The following TCF4 variants were observed in gnomAD, a reference collection of about 807,000 sequenced individuals.
TCF4 encodes the protein transcription factor 4.
In TCF4, 3 loss-of-function variants were observed where a neutral mutation model predicts 82.1. The observed-to-expected ratio is 0.04, with a 90% confidence interval of 0.02 to 0.09. TCF4 has a LOEUF of 0.09. TCF4 is among the 10% of genes least tolerant of loss of function. The pLI is 1.00. For synonymous variants in TCF4, 276 were observed against 309.6 expected (o/e 0.89, Z 1.14); for missense variants, 518 against 852.7 (o/e 0.61, Z 4.89).
intron 3 of TCF4, chr18:55,479,120 G>A (rs2096366724): frequency 6.6e-6 from 1 of 151,960 alleles, no homozygotes; most frequent in African/African-American, 2.4e-5. Context: ...TCCATTTCTA[G>A]TTAACAAATC....
chr18:55,614,709 A>C (rs1055738161), intron 2 of TCF4, among the ~76,000 whole-genome samples: 2 of 152,174 alleles, frequency 1.3e-5, no homozygotes, highest in Non-Finnish European at 2.9e-5. Flanking sequence ...TCTGTGACTT[A>C]TCTTTTTATT....
chr18:55,584,483 A>G (rs529955400), intron 3 of TCF4, among the ~76,000 whole-genome samples: 1 of 152,120 alleles, frequency 6.6e-6, no homozygotes. Context: ...TAAAAAAAAT[A>G]CATTTTAAAT....
At chr18:55,573,030 G>T (rs1227771836) in intron 3 of TCF4, among the ~76,000 whole-genome samples, 1 of 151,644 alleles carries the variant, frequency 6.6e-6, no homozygotes, top group Non-Finnish European at 1.5e-5. Flanking sequence ...TCCAGCCTGG[G>T]CAATGAGAGC....
intron 3 of TCF4, among the ~76,000 whole-genome samples, chr18:55,529,908 T>G (rs2146688504): frequency 6.6e-6 from 1 of 152,214 alleles, no homozygotes; most frequent in Non-Finnish European, 1.5e-5. Flanking sequence ...ATGGCACATG[T>G]CCTAGAACTC....
At chr18:55,498,749 T>A (rs939237449) in intron 3 of TCF4, among the ~76,000 whole-genome samples, 3 of 152,164 alleles carry the variant, frequency 2.0e-5, no homozygotes, top group Non-Finnish European at 4.4e-5. Context: ...TGTAAGAGTG[T>A]CTTTGCTCAG....
At position 55,300,288 on chromosome 18, in the gene TCF4, G is replaced by C. The variant is rs141164308; in HGVS notation, c.550-20632C>G. The stretch of plus-strand genomic sequence containing the variant: ...TGGTACACTTCCAACCATCTTGATG[G>C]ACTGACCTGCTCTGGGACTGAACAG... On this transcript the variant is annotated intron_variant, in intron 8 of 19. Coordinates refer to ENST00000354452, the MANE Select transcript of TCF4 (RefSeq NM_001083962.2). Among the ~76,000 whole-genome samples, 575 of 152,258 alleles carry C rather than the reference G, an allele frequency of 3.8e-3. 25 individuals carry two copies. The South Asian group carries it at 0.1, about 27-fold the overall frequency.
chr18:55,383,137 T>C (rs931933822), intron 6 of TCF4, among the ~76,000 whole-genome samples: 16 of 152,256 alleles, frequency 1.1e-4, no homozygotes, highest in Admixed American at 2.6e-4. Flanking sequence ...ACCAGTTTAA[T>C]GACGCTACCT....
Position 55,370,427 on chromosome 18 carries a change from TGATAGATAGATA to T in TCF4, c.370-19436_370-19425del, listed in dbSNP as rs10566649. 7.6e-3 allele frequency among the ~76,000 whole-genome samples: 1,109 copies of T among 145,066 alleles called. 11 individuals carry two copies. The highest frequency in any genetic ancestry group is 0.03 in the South Asian group (131 of 4,362). On this transcript the variant is annotated intron_variant, in intron 6 of 19. Coordinates refer to ENST00000354452, the MANE Select transcript of TCF4 (RefSeq NM_001083962.2). ...GTAGGTATGTAGATAGATAGACAGA[TGATAGATAGATA>T]GATAGATAGATAGATAGATAGATAG... is the stretch of plus-strand genomic sequence containing the variant.
Position 55,531,180 on chromosome 18 carries a change from C to T in TCF4, c.145+54100G>A, listed in dbSNP as rs78429460. Reference sequence around the variant, plus strand: ...TGTTGGCGAGGCTGGTCTCCAACTCCTGACCTCAAGTGATCCACCTGCCTC... The same window carrying T: ...TGTTGGCGAGGCTGGTCTCCAACTCTTGACCTCAAGTGATCCACCTGCCTC... On this transcript the variant is annotated intron_variant, in intron 3 of 19. Transcript: ENST00000354452. Among the ~76,000 whole-genome samples, 8 of 152,164 alleles carry T rather than the reference C, an allele frequency of 5.3e-5. No individual in the cohort carries two copies. In the East Asian group the frequency reaches 1.6e-3, roughly 29 times the overall value.
intron 5 of TCF4, among the ~76,000 whole-genome samples, chr18:55,438,595 C>A (rs1039130023): frequency 3.9e-5 from 6 of 152,166 alleles, no homozygotes; most frequent in Admixed American, 2.0e-4. Flanking sequence ...CAAGGGACCA[C>A]GGGAGTCTGT....
chr18:55,315,135 G>T (rs2073772890), intron 8 of TCF4, among the ~76,000 whole-genome samples: 1 of 152,068 alleles, frequency 6.6e-6, no homozygotes, highest in Non-Finnish European at 1.5e-5. Flanking sequence ...GCCAAAGCCT[G>T]CATTTTTTTT....
Position 55,222,541 on chromosome 18 carries a change from C to T in TCF4, c.*5494G>A, listed in dbSNP as rs949944031. On this transcript the variant is annotated 3_prime_UTR_variant, in exon 20 of 20. Coordinates refer to ENST00000354452, the MANE Select transcript of TCF4 (RefSeq NM_001083962.2). ...GGCACTTCACATGTGAACCAAATGG[C>T]GTTATAACATTTTCCTTCAACTAGT... is the stretch of plus-strand genomic sequence containing the variant. The T allele has an allele frequency of 2.0e-5, 3 of 151,868 alleles. No homozygotes were observed. Among genetic ancestry groups the T allele is most frequent in the African/African-American group, 7.3e-5 (3 of 41,242 alleles). 9.4% of individuals were successfully genotyped at this position (151,868 alleles called of 1,614,324 possible). A position where few individuals can be genotyped will look rare whatever the true frequency, so the allele number is the denominator to read the frequency against.
chr18:55,433,594 G>A (rs2095258032), intron 5 of TCF4, among the ~76,000 whole-genome samples: 1 of 152,240 alleles, frequency 6.6e-6, no homozygotes, highest in East Asian at 1.9e-4. Flanking sequence ...CATGCCTCTG[G>A]TGATATGGAC....
chr18:55,250,987 G>A (rs2145354018), intron 15 of TCF4, among the ~76,000 whole-genome samples: 2 of 152,268 alleles, frequency 1.3e-5, no homozygotes, highest in Middle Eastern at 3.4e-3. Context: ...CTTTGAGAAT[G>A]GGTGGGTATT....
chr18:55,580,430 T>C (rs1005252316), intron 3 of TCF4, among the ~76,000 whole-genome samples: 1 of 152,050 alleles, frequency 6.6e-6, no homozygotes, highest in African/African-American at 2.4e-5. Context: ...CATGTTTTCA[T>C]TGGCATCCAT....
chr18:55,273,778 A>G (rs1004237674), intron 10 of TCF4, among the ~76,000 whole-genome samples: 1 of 152,168 alleles, frequency 6.6e-6, no homozygotes, highest in African/African-American at 2.4e-5. Flanking sequence ...CTTCAAAATG[A>G]TATTTTCTCT....
Position 55,227,375 on chromosome 18 carries a change from A to G in TCF4, c.*660T>C, listed in dbSNP as rs2046730581. On this transcript the variant is annotated 3_prime_UTR_variant, in exon 20 of 20. Transcript: ENST00000354452. ...AGCTTACCATAGTCACTAAATTTTTAATATATATTTATATATATATTTATA... is the reference window on the plus strand; with the variant it reads ...AGCTTACCATAGTCACTAAATTTTTGATATATATTTATATATATATTTATA... 6.7e-6 allele frequency: 1 copy of G among 148,848 alleles called. No individual in the cohort carries two copies. Among genetic ancestry groups the G allele is most frequent in the Non-Finnish European group, 1.5e-5 (1 of 67,330 alleles). 9.2% of individuals were successfully genotyped at this position (148,848 alleles called of 1,614,324 possible).
intron 15 of TCF4, among the ~76,000 whole-genome samples, chr18:55,237,689 C>A (rs1376776844): frequency 1.3e-5 from 2 of 152,060 alleles, no homozygotes; most frequent in East Asian, 3.9e-4. Context: ...CATGTGAATG[C>A]CCTCTGATAG....
At chr18:55,453,840 T>C (rs1232761269) in intron 5 of TCF4, among the ~76,000 whole-genome samples, 1 of 149,870 alleles carries the variant, frequency 6.7e-6, no homozygotes, top group Non-Finnish European at 1.5e-5. Context: ...ATTACAAAAA[T>C]ATAAATATAG....
Sources: gnomAD v4.1 joint callset for allele counts (sites outside exome capture counted in the v4.1 genomes callset) on GRCh38, gnomAD v4.1.1 for gene constraint, MANE v1.5 for transcripts, NCBI Gene and HGNC (gene_info 2026-07-23, HGNC 2026-07-21) for gene names.